The following FBN2 variants were observed in gnomAD, a reference collection of about 807,000 sequenced individuals.
FBN2 encodes fibrillin-2.
In FBN2, 105 loss-of-function variants were observed where a neutral mutation model predicts 355.6. That is an observed-to-expected ratio of 0.30 (90% confidence interval 0.25 to 0.35). The LOEUF is 0.35. Ranked by LOEUF, FBN2 falls within the 10% of genes least tolerant of loss-of-function variation. FBN2 has a pLI of 1.00. For synonymous variants in FBN2, 1,350 were observed against 1,301.2 expected (o/e 1.04, Z -0.81); for missense variants, 3,280 against 3,758.7 (o/e 0.87, Z 3.33).
chr5:128,399,810 C>A (rs1022259082), intron 8 of FBN2, among the ~76,000 whole-genome samples: 1 of 151,876 alleles, frequency 6.6e-6, no homozygotes, highest in African/African-American at 2.4e-5. Context: ...AAATAAAGTA[C>A]ATAACTTCTT....
rs70997371 is a variant in FBN2 at position 128,455,990 on chromosome 5, C to CAAAAAAAAAAAAAA, written c.826+8720_826+8733dup. On this transcript the variant is annotated intron_variant, in intron 6 of 64. Coordinates refer to ENST00000262464, the MANE Select transcript of FBN2 (RefSeq NM_001999.4). ...GAGCTCCTTGGGGGAGGGTTAGCAA[C>CAAAAAAAAAAAAAA]AAAAAAAAAAAAAAAAAAAAAAAAA... 8.3e-4 allele frequency among the ~76,000 whole-genome samples: 21 copies of CAAAAAAAAAAAAAA among 25,274 alleles called. 5 individuals carry two copies. The highest frequency in any genetic ancestry group is 1.6e-3 in the African/African-American group (14 of 9,000). 16.6% of individuals were successfully genotyped at this position (25,274 alleles called of 152,430 possible).
intron 11 of FBN2, among the ~76,000 whole-genome samples, chr5:128,388,262 C>T (rs1344996066): frequency 6.6e-6 from 1 of 152,198 alleles, no homozygotes; most frequent in African/African-American, 2.4e-5. Flanking sequence ...CTCTTGAAGA[C>T]AGCATATAGT....
intron 17 of FBN2, 55 bp from the exon 18 acceptor site, chr5:128,364,780 A>G: frequency 6.8e-7 from 1 of 1,479,726 alleles, no homozygotes; most frequent in African/African-American, 1.4e-5. Flanking sequence ...TTGTTTGTTG[A>G]TAAATGCAGG....
Position 128,349,467 on chromosome 5 carries a change from T to C in FBN2, c.2869A>G (p.Asn957Asp). The C allele has an allele frequency of 6.2e-7, 1 of 1,613,914 alleles. No individual in the cohort carries two copies. The highest frequency in any genetic ancestry group is 8.5e-7 in the Non-Finnish European group (1 of 1,179,894). Residue 957 changes from asparagine to aspartate, a missense_variant, in exon 23 of 65, where the codon AAT becomes GAT. Transcript: ENST00000262464. Reference sequence around the variant, plus strand: ...ACGCCAGGGAACACCTCACACTCATTAACATCTGCAGGGAAATGCAGCAAG... The same window carrying C: ...ACGCCAGGGAACACCTCACACTCATCAACATCTGCAGGGAAATGCAGCAAG... ...RIKGVTCEDV[N>D]ECEVFPGVCP...
chr5:128,459,843 C>T (rs1159067354), intron 6 of FBN2, among the ~76,000 whole-genome samples: 2 of 152,042 alleles, frequency 1.3e-5, no homozygotes, highest in African/African-American at 4.8e-5. Flanking sequence ...TATGGCAAAC[C>T]CACAGGCAAT....
intron 27 of FBN2, among the ~76,000 whole-genome samples, chr5:128,337,724 A>G (rs1240547932): frequency 6.6e-6 from 1 of 152,190 alleles, no homozygotes; most frequent in Admixed American, 6.5e-5. Context: ...GGAGGATGAG[A>G]CCACAAGGAC....
intron 36 of FBN2, among the ~76,000 whole-genome samples, chr5:128,313,375 C>A (rs538889367): frequency 1.3e-5 from 2 of 152,152 alleles, no homozygotes; most frequent in Non-Finnish European, 2.9e-5. Flanking sequence ...ACTCTAGACC[C>A]TTCTACCAAT....
chr5:128,386,800 C>T (rs144915994), intron 11 of FBN2, among the ~76,000 whole-genome samples: 196 of 152,096 alleles, frequency 1.3e-3, no homozygotes, highest in African/African-American at 4.5e-3. Context: ...TACTTGATTG[C>T]GATGAATTAG....
intron 8 of FBN2, among the ~76,000 whole-genome samples, chr5:128,401,885 G>A (rs529908892): frequency 6.6e-6 from 1 of 152,178 alleles, no homozygotes; most frequent in Non-Finnish European, 1.5e-5. Context: ...AGGTGAGAGG[G>A]TAGAGAGGCA....
intron 27 of FBN2, 81 bp downstream of exon 27, chr5:128,337,916 A>C (rs549714647): frequency 8.8e-5 from 132 of 1,503,120 alleles, no homozygotes; most frequent in Admixed American, 1.0e-4. Context: ...TGTGCTCCTC[A>C]AACAACAGGT....
At position 128,274,451 on chromosome 5, in the gene FBN2, G is replaced by A; in HGVS notation, c.7711+116C>T. 4.2e-6 allele frequency: 3 copies of A among 722,398 alleles called. No homozygotes were observed. The South Asian group carries it at 4.6e-5, about 11-fold the overall frequency. The allele number at this position is 722,398 out of a possible 1,614,324, so 44.7% of individuals were successfully genotyped here. The stretch of plus-strand genomic sequence containing the variant: ...GCAACTTCTTTAGACCACAAATTAT[G>A]GGGTATTGGTTACTGAACATAAATA... On this transcript the variant is annotated intron_variant, in intron 60 of 64. Coordinates refer to ENST00000262464, the MANE Select transcript of FBN2 (RefSeq NM_001999.4).
At chr5:128,333,681 CGTGTGTGT>C (rs200082147) in intron 31 of FBN2, among the ~76,000 whole-genome samples, 83 of 148,964 alleles carry the variant, frequency 5.6e-4, no homozygotes, top group African/African-American at 1.8e-3. Context: ...TGTGTGTGTG[CGTGTGTGT>C]GTGTGTGTAT....
intron 7 of FBN2, chr5:128,442,207 T>C (rs1753940558): frequency 2.4e-6 from 1 of 418,014 alleles, no homozygotes; most frequent in Non-Finnish European, 4.7e-6. Flanking sequence ...ATCTGCCACA[T>C]AAAGAGCCAT....
chr5:128,267,905 G>T (rs572870123), intron 62 of FBN2, among the ~76,000 whole-genome samples: 1 of 152,126 alleles, frequency 6.6e-6, no homozygotes, highest in South Asian at 2.1e-4. Flanking sequence ...AATTTATAGC[G>T]CTAAATGCCC....
At chr5:128,402,065 C>A (rs968236491) in intron 8 of FBN2, among the ~76,000 whole-genome samples, 1 of 152,106 alleles carries the variant, frequency 6.6e-6, no homozygotes, top group African/African-American at 2.4e-5. Context: ...TCCAAAAAGG[C>A]ATATTTCAAA....
At chr5:128,443,379 T>C (rs1207404109) in intron 7 of FBN2, among the ~76,000 whole-genome samples, 2 of 152,188 alleles carry the variant, frequency 1.3e-5, no homozygotes, top group East Asian at 3.9e-4. Flanking sequence ...CCAAGTCAAA[T>C]AAACTAACTT....
At chr5:128,486,580 C>T (rs1267992781) in intron 5 of FBN2, among the ~76,000 whole-genome samples, 1 of 152,236 alleles carries the variant, frequency 6.6e-6, no homozygotes, top group East Asian at 1.9e-4. Flanking sequence ...TATGCAGGGC[C>T]CCTTACCGAG....
intron 4 of FBN2, among the ~76,000 whole-genome samples, chr5:128,522,717 G>A (rs545633210): frequency 6.6e-6 from 1 of 152,236 alleles, no homozygotes; most frequent in South Asian, 2.1e-4. Flanking sequence ...AATGAATTAT[G>A]ATGAAAGGTA....
chr5:128,418,541 C>T (rs140844942), intron 7 of FBN2, among the ~76,000 whole-genome samples: 85 of 152,106 alleles, frequency 5.6e-4, no homozygotes, highest in African/African-American at 1.9e-3. Context: ...TGGTATGTTG[C>T]GTTTCCATTG....
Sources: allele counts gnomAD v4.1 joint callset (sites outside exome capture counted in the v4.1 genomes callset), GRCh38; gene constraint gnomAD v4.1.1; transcripts MANE v1.5; gene names NCBI Gene and HGNC (gene_info 2026-07-23, HGNC 2026-07-21).